Variants in ZNF582 observed in about 807,000 individuals in gnomAD.
ZNF582 encodes the protein zinc finger protein 582.
In ZNF582, 14 loss-of-function variants were observed where a neutral mutation model predicts 12.3. The ratio of observed to expected loss-of-function variants is 1.14; its 90% confidence interval spans 0.75 to 1.78. The LOEUF (loss-of-function observed/expected upper bound fraction) is 1.78, where lower values mean the gene tolerates loss of function less well. ZNF582 is among the 40% of genes most tolerant of loss of function. The pLI, the probability that ZNF582 is intolerant of heterozygous loss-of-function variation, is 0.00. For synonymous variants in ZNF582, 210 were observed against 207.2 expected (o/e 1.01, Z -0.11); for missense variants, 567 against 616.5 (o/e 0.92, Z 0.85).
intron 2 of ZNF582, among the ~76,000 whole-genome samples, chr19:56,391,346 T>G (rs1403672907): frequency 1.3e-5 from 2 of 152,210 alleles, no homozygotes; most frequent in African/African-American, 4.8e-5. Flanking sequence ...AAACCTCAAT[T>G]ACATATCCAA....
At chr19:56,389,112 T>C (rs1016316869) in intron 4 of ZNF582, among the ~76,000 whole-genome samples, 5 of 152,238 alleles carry the variant, frequency 3.3e-5, no homozygotes, top group African/African-American at 1.2e-4. Context: ...GGCCCTACCA[T>C]GCACCCTGAC....
chr19:56,393,127 T>C, intron 1 of ZNF582, 93 bp downstream of exon 1: 4 of 1,068,566 alleles, frequency 3.7e-6, no homozygotes, highest in Non-Finnish European at 4.9e-6. Flanking sequence ...TGAAACAAGA[T>C]TTCCTCTCAG....
At chr19:56,393,471 G>T (rs753339016) in exon 1 of ZNF582, 10 of 516,486 alleles carry the variant, frequency 1.9e-5, no homozygotes, top group South Asian at 9.9e-5. Flanking sequence ...AAGTGCCACC[G>T]CGGCCGCGCC....
In ZNF582 at chr19:56,384,707, T is replaced by C. The variant is rs765550731; in HGVS notation, c.710A>G (p.Asn237Ser). ...ATGTTGTATAAAATTTGAACCAGAA[T>C]TGAAGGCCTTTCCACATTCCTTACA... The change falls in exon 5 of 5, where the codon AAT (asparagine) becomes AGT (serine). Residue 237 changes from asparagine to serine, a missense_variant. Physicochemically the swap from Asn to Ser is conservative, Grantham distance 46. Coordinates refer to ENST00000586929, the Ensembl canonical transcript of ZNF582. 6 of 1,612,448 alleles carry C rather than the reference T, an allele frequency of 3.7e-6. No individual in the cohort carries two copies. The highest frequency in any genetic ancestry group is 4.5e-5 in the East Asian group (2 of 44,770).
intron 2 of ZNF582, among the ~76,000 whole-genome samples, chr19:56,390,994 T>C (rs144635475): frequency 6.6e-6 from 1 of 152,350 alleles, no homozygotes; most frequent in East Asian, 1.9e-4. Flanking sequence ...TGAAAGTTCA[T>C]CATTATGTTG....
exon 5 of ZNF582, chr19:56,383,855 C>T (rs2147503127): frequency 6.5e-7 from 1 of 1,541,054 alleles, no homozygotes; most frequent in Non-Finnish European, 8.7e-7. Context: ...GTCACAGTCA[C>T]AATTAGCCTA....
intron 4 of ZNF582, chr19:56,386,694 G>C (rs1305662808): frequency 1.3e-5 from 2 of 152,252 alleles, no homozygotes; most frequent in Non-Finnish European, 2.9e-5. Context: ...CTACAGGTGG[G>C]CACCACCATG....
Position 56,391,834 on chromosome 19 carries a change from TG to T in ZNF582, c.-80-3del. The T allele has an allele frequency of 6.2e-7, 1 of 1,613,570 alleles. No individual in the cohort carries two copies. ...GGGCAGAGTCCTGCGACGGTAGAGC[TG>T]GGGGAGGAAAGAGCAAACATGAGAG... On this transcript the variant is annotated splice_polypyrimidine_tract_variant and splice_region_variant and intron_variant, in intron 1 of 4. Coordinates refer to ENST00000586929, the Ensembl canonical transcript of ZNF582.
At chr19:56,384,265 T>C (rs748130681) in exon 5 of ZNF582, 5 of 1,614,140 alleles carry the variant, frequency 3.1e-6, no homozygotes, top group Non-Finnish European at 3.4e-6. Flanking sequence ...TTCTCTGATG[T>C]TGCTTGAGTT....
chr19:56,384,941 G>C, exon 5 of ZNF582: 1 of 1,614,090 alleles, frequency 6.2e-7, no homozygotes, highest in Non-Finnish European at 8.5e-7. Context: ...CTGATAAAAA[G>C]TAAGGGATGC....
exon 5 of ZNF582, chr19:56,384,696 T>G (rs771489194): frequency 1.2e-6 from 2 of 1,612,632 alleles, no homozygotes; most frequent in Non-Finnish European, 1.7e-6. Context: ...TGTATAAAAT[T>G]TGAACCAGAA....
At position 56,384,539 on chromosome 19, in the gene ZNF582, T is replaced by C. The variant is rs368835838; in HGVS notation, c.878A>G (p.Asn293Ser). Residue 293 changes from asparagine (N) to serine (S), a missense_variant, in exon 5 of 5, where the codon AAT becomes AGT. Physicochemically the swap from Asn to Ser is conservative, Grantham distance 46. Transcript: ENST00000586929. ...ATGTACTTTAAGATGTGAGATCCGA[T>C]TGAAGGCCTTGCCACATTCCTTACA... The C allele has an allele frequency of 7.4e-6, 12 of 1,613,862 alleles. No individual in the cohort carries two copies. In the Admixed American group the frequency reaches 8.3e-5, roughly 11 times the overall value.
exon 5 of ZNF582, chr19:56,383,408 G>A (rs1290476329): frequency 6.5e-6 from 1 of 153,274 alleles, no homozygotes; most frequent in Non-Finnish European, 1.5e-5. Flanking sequence ...GTATATGCAT[G>A]CATTCAAAGG....
intron 4 of ZNF582, among the ~76,000 whole-genome samples, chr19:56,387,890 T>A (rs901394187): frequency 6.6e-6 from 1 of 152,250 alleles, no homozygotes; most frequent in Non-Finnish European, 1.5e-5. Flanking sequence ...TTTAGAAACA[T>A]AAAATTGTTT....
chr19:56,391,750 C>G (rs1372685589), exon 2 of ZNF582: 1 of 1,613,586 alleles, frequency 6.2e-7, no homozygotes, highest in Non-Finnish European at 8.5e-7. Flanking sequence ...TCACAAGGGA[C>G]ATGACTTTTA....
intron 4 of ZNF582, 143 bp from the exon 5 acceptor site, chr19:56,385,327 T>C: frequency 1.2e-6 from 1 of 843,046 alleles, no homozygotes; most frequent in Non-Finnish European, 1.7e-6. Flanking sequence ...AGTAGAACAG[T>C]GAAAGGAAAA....
intron 4 of ZNF582, among the ~76,000 whole-genome samples, chr19:56,389,745 G>A (rs756162461): frequency 6.6e-5 from 10 of 151,898 alleles, no homozygotes; most frequent in Non-Finnish European, 1.2e-4. Flanking sequence ...TCTTTCCAAA[G>A]ACAAAATACT....
At chr19:56,383,811 ATTC>A in exon 5 of ZNF582, 2 of 1,497,900 alleles carry the variant, frequency 1.3e-6, no homozygotes, top group Non-Finnish European at 1.8e-6. Context: ...CTGGCATTAC[ATTC>A]TTCAAGTCTT....
Position 56,391,839 on chromosome 19 carries a change from G to A in ZNF582, c.-80-7C>T, listed in dbSNP as rs748546168. 3.7e-6 allele frequency: 6 copies of A among 1,613,006 alleles called. No homozygotes were observed. Among genetic ancestry groups the A allele is most frequent in the East Asian group, 2.2e-5 (1 of 44,886 alleles). On this transcript the variant is annotated splice_region_variant and splice_polypyrimidine_tract_variant and intron_variant, in intron 1 of 4. Transcript: ENST00000586929. ...GAGTCCTGCGACGGTAGAGCTGGGG[G>A]AGGAAAGAGCAAACATGAGAGGCTA...
Sources: allele counts gnomAD v4.1 joint callset (sites outside exome capture counted in the v4.1 genomes callset), GRCh38; gene constraint gnomAD v4.1.1; transcripts MANE v1.5; gene names NCBI Gene and HGNC (gene_info 2026-07-23, HGNC 2026-07-21).